The following RBFOX1 variants were observed in gnomAD, a reference collection of about 807,000 sequenced individuals.
RBFOX1 encodes RNA binding fox-1 homolog 1, also known as RNA binding protein fox-1 homolog 1.
A neutral mutation model predicts 57.7 loss-of-function variants in RBFOX1; 8 were observed. That is an observed-to-expected ratio of 0.14 (90% confidence interval 0.08 to 0.25). The LOEUF (loss-of-function observed/expected upper bound fraction) is 0.25. Among genes scored for constraint, RBFOX1 ranks in the 10% least tolerant of loss-of-function variants. The pLI is 1.00. For missense variants in RBFOX1, 611 were observed against 548.5 expected, an observed-to-expected ratio of 1.11 and a Z score of -1.14; for synonymous variants, 326 against 222.4, an observed-to-expected ratio of 1.47 and a Z score of -4.15.
At chr16:7,078,381 T>C (rs1052106943) in intron 4 of RBFOX1, among the ~76,000 whole-genome samples, 1 of 152,204 alleles carries the variant, frequency 6.6e-6, no homozygotes, top group African/African-American at 2.4e-5. Context: ...GGAGTGTCAC[T>C]CTATCATCCA....
intron 1 of RBFOX1, among the ~76,000 whole-genome samples, chr16:6,111,986 C>G (rs141753322): frequency 6.6e-6 from 1 of 152,028 alleles, no homozygotes; most frequent in African/African-American, 2.4e-5. Flanking sequence ...ATCGCTAAAA[C>G]TTAATCTGTC....
At chr16:5,856,990 G>A (rs2057088546) in intron 3 of RBFOX1, among the ~76,000 whole-genome samples, 1 of 152,128 alleles carries the variant, frequency 6.6e-6, no homozygotes, top group Non-Finnish European at 1.5e-5. Flanking sequence ...TGGGGGAAGA[G>A]GCCTAGCTTT....
intron 2 of RBFOX1, among the ~76,000 whole-genome samples, chr16:6,555,475 G>A (rs938232494): frequency 6.6e-5 from 10 of 152,074 alleles, no homozygotes; most frequent in Admixed American, 4.6e-4. Context: ...GGAGACAGGC[G>A]GATCACGAGG....
chr16:6,483,774 C>T, intron 2 of RBFOX1: 1 of 1,408,918 alleles, frequency 7.1e-7, no homozygotes, highest in Non-Finnish European at 9.2e-7. Context: ...CGCTGTCCAA[C>T]GTTAGCGCAG....
intron 3 of RBFOX1, among the ~76,000 whole-genome samples, chr16:6,890,769 C>G (rs141706100): frequency 3.7e-4 from 57 of 152,212 alleles, no homozygotes; most frequent in African/African-American, 1.3e-3. Context: ...CTGATTTAAG[C>G]TTTTTTAACC....
At chr16:5,750,089 A>G (rs959463176) in intron 3 of RBFOX1, among the ~76,000 whole-genome samples, 1 of 152,222 alleles carries the variant, frequency 6.6e-6, no homozygotes, top group Non-Finnish European at 1.5e-5. Context: ...CTAACAGTCA[A>G]GACCCTCAGC....
chr16:5,932,290 C>T (rs946907012), intron 4 of RBFOX1, among the ~76,000 whole-genome samples: 3 of 152,222 alleles, frequency 2.0e-5, no homozygotes, highest in Non-Finnish European at 4.4e-5. Context: ...CTAAGGAATA[C>T]AGAAGGTCTG....
At chr16:7,620,062 A>G (rs1286493455) in intron 10 of RBFOX1, among the ~76,000 whole-genome samples, 2 of 152,206 alleles carry the variant, frequency 1.3e-5, no homozygotes, top group African/African-American at 4.8e-5. Flanking sequence ...TATGTTTAGC[A>G]TTATGTTTAG....
At chr16:6,509,158 A>C (rs185442516) in intron 2 of RBFOX1, among the ~76,000 whole-genome samples, 13 of 152,320 alleles carry the variant, frequency 8.5e-5, no homozygotes, top group African/African-American at 3.1e-4. Flanking sequence ...CCTTTAATGC[A>C]GAGAGGATCT....
chr16:5,534,014 C>T (rs1461752198), intron 2 of RBFOX1, among the ~76,000 whole-genome samples: 1 of 152,274 alleles, frequency 6.6e-6, no homozygotes, highest in South Asian at 2.1e-4. Context: ...CCCCAAATCA[C>T]ACCACTGAGC....
chr16:5,577,327 A>G (rs1466216592), intron 2 of RBFOX1, among the ~76,000 whole-genome samples: 2 of 152,092 alleles, frequency 1.3e-5, no homozygotes, highest in Admixed American at 6.5e-5. Context: ...CTCTTCCTTC[A>G]GTTTGTGGGT....
At chr16:7,161,357 A>C (rs1347506522) in intron 4 of RBFOX1, among the ~76,000 whole-genome samples, 2 of 152,192 alleles carry the variant, frequency 1.3e-5, no homozygotes, top group Non-Finnish European at 2.9e-5. Flanking sequence ...CATTGCTTTA[A>C]AATGGATAAC....
chr16:7,490,430 A>G (rs1567469345), intron 4 of RBFOX1, among the ~76,000 whole-genome samples: 1 of 152,156 alleles, frequency 6.6e-6, no homozygotes. Context: ...CTATGATTCT[A>G]GTTTCACTGT....
chr16:6,943,708 T>C (rs1419067427), intron 3 of RBFOX1, among the ~76,000 whole-genome samples: 1 of 134,012 alleles, frequency 7.5e-6, no homozygotes, highest in East Asian at 2.2e-4. Context: ...ACTCTGTCTT[T>C]AAAAAAAAAA....
At chr16:6,574,680 G>A (rs546976244) in intron 2 of RBFOX1, among the ~76,000 whole-genome samples, 5 of 116,810 alleles carry the variant, frequency 4.3e-5, no homozygotes, top group South Asian at 3.5e-4. Flanking sequence ...CGCCCGCCTC[G>A]GCCTCCCAAA....
At chr16:7,261,221 C>G (rs764586492) in intron 4 of RBFOX1, among the ~76,000 whole-genome samples, 5 of 152,124 alleles carry the variant, frequency 3.3e-5, no homozygotes, top group African/African-American at 1.2e-4. Flanking sequence ...CTTCTCTGAG[C>G]CTTAGCTTTC....
intron 1 of RBFOX1, among the ~76,000 whole-genome samples, chr16:6,093,583 G>A (rs1220087308): frequency 3.3e-5 from 5 of 152,156 alleles, no homozygotes; most frequent in East Asian, 1.9e-4. Context: ...TATGTATTGT[G>A]TAATTAAGGG....
intron 4 of RBFOX1, among the ~76,000 whole-genome samples, chr16:7,208,582 C>A (rs896541871): frequency 2.0e-5 from 3 of 152,040 alleles, no homozygotes; most frequent in Non-Finnish European, 2.9e-5. Context: ...ATACCTGTAA[C>A]CCCAGCAATT....
rs191938440 is a variant in RBFOX1, at chr16:7,188,719, A to C, written c.27+136621A>C. Among the ~76,000 whole-genome samples the C allele has an allele frequency of 1.9e-3, 289 of 152,340 alleles. 1 individual carries two copies. The highest frequency in any genetic ancestry group is 4.5e-3 in the Admixed American group (69 of 15,308). On this transcript the variant is annotated intron_variant, in intron 4 of 15. Coordinates refer to ENST00000550418, the MANE Select transcript of RBFOX1 (RefSeq NM_018723.4). ...TTCTGCTGCAGTCTTCATTTCTACC[A>C]TATATTTGGAGATTCAGATACAGAT...
Sources: allele counts gnomAD v4.1 joint callset (sites outside exome capture counted in the v4.1 genomes callset), GRCh38; gene constraint gnomAD v4.1.1; transcripts MANE v1.5; gene names NCBI Gene and HGNC (gene_info 2026-07-23, HGNC 2026-07-21).